SYNE1: variants seen among roughly 807,000 people sequenced by gnomAD.
SYNE1 encodes the protein nesprin-1.
In SYNE1, 616 loss-of-function variants were observed where a neutral mutation model predicts 1,111.0. That is an observed-to-expected ratio of 0.55 (90% CI 0.52 to 0.59). The LOEUF (loss-of-function observed/expected upper bound fraction) is 0.59, where lower values mean the gene tolerates loss of function less well. Ranked by LOEUF, SYNE1 falls within the 20% of genes least tolerant of loss-of-function variation. The pLI is 0.00. For missense variants in SYNE1, 10,006 were observed against 10,417.0 expected, an observed-to-expected ratio of 0.96 and a Z score of 1.72; for synonymous variants, 3,855 against 3,825.8, an observed-to-expected ratio of 1.01 and a Z score of -0.28.
chr6:152,457,363 C>T (rs541277495), intron 22 of SYNE1, among the ~76,000 whole-genome samples: 1 of 152,192 alleles, frequency 6.6e-6, no homozygotes, highest in Non-Finnish European at 1.5e-5. Flanking sequence ...AGACTCATTT[C>T]AGACACTCTC....
chr6:152,150,867 A>G (rs981759723), intron 135 of SYNE1, among the ~76,000 whole-genome samples: 1 of 152,208 alleles, frequency 6.6e-6, no homozygotes, highest in Admixed American at 6.5e-5. Flanking sequence ...CATGGAGGTT[A>G]AAGGAACCAT....
At chr6:152,312,989 G>A (rs1321137574) in intron 87 of SYNE1, among the ~76,000 whole-genome samples, 2 of 152,086 alleles carry the variant, frequency 1.3e-5, no homozygotes, top group Admixed American at 6.6e-5. Context: ...ATGAAAGAAC[G>A]GCTACTCCAT....
At chr6:152,615,921 C>G (rs987610589) in intron 3 of SYNE1, among the ~76,000 whole-genome samples, 1 of 152,118 alleles carries the variant, frequency 6.6e-6, no homozygotes, top group Admixed American at 6.5e-5. Context: ...AAATTTTCAC[C>G]GGTGTTTTTG....
rs762742168 is a variant in SYNE1, at chr6:152,334,045, G to C, written c.12757C>G (p.Leu4253Val). The C allele has an allele frequency of 6.2e-7, 1 of 1,614,076 alleles. No individual in the cohort carries two copies. The highest frequency in any genetic ancestry group is 8.5e-7 in the Non-Finnish European group (1 of 1,179,998). The change falls in exon 77 of 146, where the codon CTA becomes GTA. Residue 4253 changes from leucine (L) to valine (V), a missense_variant. Transcript: ENST00000367255. ...HDCMNVVEVF[L>V]EKFTTEWDNL... ...TCCCATTCTGTAGTAAATTTTTCTAGGAACACTTCAACAACATTCATACAG... is the reference window on the plus strand; with the variant it reads ...TCCCATTCTGTAGTAAATTTTTCTACGAACACTTCAACAACATTCATACAG...
chr6:152,239,453 G>A, intron 108 of SYNE1, 80 bp downstream of exon 108: 1 of 1,563,308 alleles, frequency 6.4e-7, no homozygotes, highest in Non-Finnish European at 8.8e-7. Context: ...CAAACTGCAT[G>A]GATAGATACA....
At chr6:152,454,377 T>G (rs534761278) in intron 24 of SYNE1, among the ~76,000 whole-genome samples, 1 of 152,146 alleles carries the variant, frequency 6.6e-6, no homozygotes, top group Non-Finnish European at 1.5e-5. Context: ...AGTGCGCTTA[T>G]GAGGAGGGAC....
At chr6:152,398,595 G>A in intron 49 of SYNE1, 24 bp downstream of exon 49, 1 of 1,599,592 alleles carries the variant, frequency 6.3e-7, no homozygotes, top group South Asian at 1.1e-5. Context: ...TGGGGAAGAA[G>A]GAAAAGGATG....
At position 152,614,820 on chromosome 6, in the gene SYNE1, A is replaced by G. The variant is rs571262245; in HGVS notation, c.67+13445T>C. 5.3e-5 allele frequency among the ~76,000 whole-genome samples: 8 copies of G among 152,356 alleles called. 1 individual carries two copies. The South Asian group carries it at 1.7e-3, about 32-fold the overall frequency. ...ATGTAGTCATAAAAAAGATGAGTTC[A>G]TGTCCTTTGCAGGGGCATGGATGAA... On this transcript the variant is annotated intron_variant, in intron 3 of 145. Coordinates refer to ENST00000367255, the MANE Select transcript of SYNE1 (RefSeq NM_182961.4).
intron 3 of SYNE1, among the ~76,000 whole-genome samples, chr6:152,561,782 A>G (rs1449660205): frequency 1.3e-5 from 2 of 152,206 alleles, no homozygotes; most frequent in African/African-American, 4.8e-5. Flanking sequence ...TTAATCTTTG[A>G]AAAAGGCATC....
chr6:152,548,414 A>G (rs1011333202), intron 3 of SYNE1, among the ~76,000 whole-genome samples: 4 of 152,220 alleles, frequency 2.6e-5, no homozygotes, highest in African/African-American at 9.6e-5. Context: ...TGGCTGGACC[A>G]CAATTGCTCC....
intron 130 of SYNE1, among the ~76,000 whole-genome samples, chr6:152,173,562 T>A (rs1258389045): frequency 6.6e-6 from 1 of 152,194 alleles, no homozygotes; most frequent in African/African-American, 2.4e-5. Context: ...ATGCATCCAA[T>A]CTGTGCACTA....
At chr6:152,158,279 A>T (rs1323310245) in intron 131 of SYNE1, among the ~76,000 whole-genome samples, 3 of 152,108 alleles carry the variant, frequency 2.0e-5, no homozygotes, top group Non-Finnish European at 4.4e-5. Flanking sequence ...TGTTTACTAT[A>T]TTCATCAATG....
chr6:152,141,515 G>C (rs1049608254), intron 138 of SYNE1, among the ~76,000 whole-genome samples, 186 bp from the exon 139 acceptor site: 1 of 152,198 alleles, frequency 6.6e-6, no homozygotes, highest in Admixed American at 6.5e-5. Flanking sequence ...CCAGCACTTT[G>C]GGAGGCCGAG....
chr6:152,222,880 A>T (rs1484166126), intron 117 of SYNE1, among the ~76,000 whole-genome samples: 1 of 152,256 alleles, frequency 6.6e-6, no homozygotes, highest in African/African-American at 2.4e-5. Flanking sequence ...AAAGCAAAGA[A>T]TATTTATCAG....
At chr6:152,485,439 T>C (rs367957895) in intron 12 of SYNE1, among the ~76,000 whole-genome samples, 23 of 152,198 alleles carry the variant, frequency 1.5e-4, no homozygotes, top group African/African-American at 5.5e-4. Flanking sequence ...ATCAAAATAA[T>C]GCAGAATTAA....
At chr6:152,161,231 T>C (rs183923918) in intron 131 of SYNE1, among the ~76,000 whole-genome samples, 39 of 139,712 alleles carry the variant, frequency 2.8e-4, no homozygotes, top group African/African-American at 1.1e-3. Flanking sequence ...TTTACATTAC[T>C]ACATTATTTA....
rs755673165 is a variant in SYNE1, at chr6:152,416,585, G to A, written c.5852C>T (p.Thr1951Met). The A allele has an allele frequency of 6.2e-7, 1 of 1,614,082 alleles. No individual in the cohort carries two copies. The change falls in exon 41 of 146, where the codon ACG becomes ATG. Residue 1951 changes from threonine to methionine, a missense_variant. Coordinates refer to ENST00000367255, the MANE Select transcript of SYNE1 (RefSeq NM_182961.4). Reference sequence around the variant, plus strand: ...TACCTCTCCACAGAGCTGATCAGCCGTGGCTCTGCAGGAAGTCCTTTGCTC... The same window carrying A: ...TACCTCTCCACAGAGCTGATCAGCCATGGCTCTGCAGGAAGTCCTTTGCTC... ...SSEQRTSCRATADQLCGEVER... is the reference protein window; with the variant it reads ...SSEQRTSCRAMADQLCGEVER...
intron 91 of SYNE1, among the ~76,000 whole-genome samples, chr6:152,308,238 T>C (rs972226939): frequency 2.0e-5 from 3 of 152,144 alleles, no homozygotes; most frequent in Admixed American, 6.5e-5. Flanking sequence ...CAGGAGATGA[T>C]AATCAGTGGG....
Position 152,329,752 on chromosome 6 carries a change from T to C in SYNE1, c.14933A>G (p.Gln4978Arg). 2.5e-6 allele frequency: 4 copies of C among 1,614,244 alleles called. No homozygotes were observed. Among genetic ancestry groups the C allele is most frequent in the Non-Finnish European group, 3.4e-6 (4 of 1,180,042 alleles). ...CACCTGTCTGGTGCGTAAGGCTTCCTGGATGTCTCCATCCAGCTCTGAGAG... is the reference window on the plus strand; with the variant it reads ...CACCTGTCTGGTGCGTAAGGCTTCCCGGATGTCTCCATCCAGCTCTGAGAG... ...AELSELDGDIQEALRTRQATL... is the reference protein window; with the variant it reads ...AELSELDGDIREALRTRQATL... The change falls in exon 78 of 146, where the codon CAG (glutamine) becomes CGG (arginine). Residue 4978 changes from glutamine to arginine, a missense_variant. Transcript: ENST00000367255.
Sources: allele counts gnomAD v4.1 joint callset (sites outside exome capture counted in the v4.1 genomes callset), GRCh38; gene constraint gnomAD v4.1.1; transcripts MANE v1.5; gene names NCBI Gene and HGNC (gene_info 2026-07-23, HGNC 2026-07-21).